DCAF8L2: variants seen among roughly 807,000 people sequenced by gnomAD.
The protein encoded by DCAF8L2 is DDB1- and CUL4-associated factor 8-like protein 2.
For synonymous variants in DCAF8L2, 200 were observed against 190.9 expected, an observed-to-expected ratio of 1.05 and a Z score of -0.39; for missense variants, 430 against 490.7, an observed-to-expected ratio of 0.88 and a Z score of 1.17.
At chrX:27,496,047 G>A in the DCAF8L2 span, among the ~76,000 whole-genome samples, 2 of 110,942 alleles carry the variant, frequency 1.8e-5, no homozygotes, top group Non-Finnish European at 3.8e-5. Context: ...CATGAATCTG[G>A]AATGATACTC....
At chrX:27,637,626 T>TCTTTACTCGGG (rs1462439477) in intron 2 of DCAF8L2, among the ~76,000 whole-genome samples, 1 of 112,322 alleles carries the variant, frequency 8.9e-6, no homozygotes, top group Non-Finnish European at 1.9e-5. Context: ...GATTGGATTA[T>TCTTTACTCGGG]CTTTACTCGG....
At chrX:27,739,094 TA>T (rs1198542618) in intron 4 of DCAF8L2, among the ~76,000 whole-genome samples, 3 of 111,090 alleles carry the variant, frequency 2.7e-5, no homozygotes, top group Non-Finnish European at 5.7e-5. Flanking sequence ...CATCGTGTGA[TA>T]AATCTGATTT....
At position 27,747,317 on chromosome X, in the gene DCAF8L2, AG is replaced by A; in HGVS notation, c.424del (p.Glu142ArgfsTer24). On this transcript the variant is annotated frameshift_variant, in exon 5 of 5. Coordinates refer to ENST00000451261, the MANE Select transcript of DCAF8L2 (RefSeq NM_001353450.2). LOFTEE classifies it low-confidence loss of function (END_TRUNC). ...GAGGAGGAGGAGGAGGAGGAGGAGG[AG>A]GAGGAGGAGGAAGAAGAACAGCCTC... ...EEEEEEEEEE[E>X]EEEEEEQPRA... is the part of the protein sequence containing the mutation. The A allele has an allele frequency of 8.7e-7, 1 of 1,143,893 alleles. No individual in the cohort carries two copies. The highest frequency in any genetic ancestry group is 1.2e-6 in the Non-Finnish European group (1 of 862,282). The allele number at this position is 1,143,893 out of a possible 1,213,427, so 94.3% of individuals were successfully genotyped here.
At chrX:27,581,871 G>A in the DCAF8L2 span, among the ~76,000 whole-genome samples, 6 of 112,171 alleles carry the variant, frequency 5.3e-5, no homozygotes, top group East Asian at 2.8e-4. Flanking sequence ...GGCGTGAGCC[G>A]CTGTGCCTGG....
At chrX:27,516,631 G>A in the DCAF8L2 span, among the ~76,000 whole-genome samples, 1 of 111,378 alleles carries the variant, frequency 9.0e-6, no homozygotes, top group African/African-American at 3.3e-5. Flanking sequence ...TCAATAAAAA[G>A]GCAGTTAAAC....
chrX:27,573,078 T>A, the DCAF8L2 span, among the ~76,000 whole-genome samples: 6 of 110,015 alleles, frequency 5.5e-5, no homozygotes, highest in East Asian at 5.8e-4. Context: ...AAAAAAAAAA[T>A]TTTAGAAATA....
In DCAF8L2 at chrX:27,590,393, G is replaced by T. The variant is rs1926014895; in HGVS notation, c.-389G>T. 4 of 111,479 alleles carry T rather than the reference G, an allele frequency of 3.6e-5. No homozygotes were observed. In the South Asian group the frequency reaches 1.5e-3, roughly 42 times the overall value. The allele number at this position is 111,479 out of a possible 1,213,427, so 9.2% of individuals were successfully genotyped here. On this transcript the variant is annotated 5_prime_UTR_variant, in exon 1 of 5. Coordinates refer to ENST00000451261, the MANE Select transcript of DCAF8L2 (RefSeq NM_001353450.2). Reference sequence around the variant, plus strand: ...CTCCCCACAAGGTTATTTAGAAGACGTCTTGCACTGTTCAAATGCAGAGGA... The same window carrying T: ...CTCCCCACAAGGTTATTTAGAAGACTTCTTGCACTGTTCAAATGCAGAGGA...
chrX:27,480,079 C>G, the DCAF8L2 span, among the ~76,000 whole-genome samples: 1 of 112,604 alleles, frequency 8.9e-6, no homozygotes, highest in Non-Finnish European at 1.9e-5. Flanking sequence ...ACCACATTAA[C>G]TGTGTTTTAG....
intron 2 of DCAF8L2, among the ~76,000 whole-genome samples, chrX:27,647,958 C>G (rs1929004901): frequency 9.0e-6 from 1 of 111,559 alleles, no homozygotes; most frequent in Non-Finnish European, 1.9e-5. Context: ...CCACAAAACT[C>G]ACTTGAAGAC....
At chrX:27,495,749 A>G in the DCAF8L2 span, among the ~76,000 whole-genome samples, 4,473 of 111,346 alleles carry the variant, frequency 0.04, 229 homozygotes, top group African/African-American at 0.14. Context: ...CTATAAGACA[A>G]CTTTTTTAGC....
At chrX:27,560,044 G>A in the DCAF8L2 span, among the ~76,000 whole-genome samples, 1 of 110,590 alleles carries the variant, frequency 9.0e-6, no homozygotes, top group Non-Finnish European at 1.9e-5. Flanking sequence ...TAGGCAGGTG[G>A]ATCACGAGGT....
At chrX:27,706,519 C>T (rs946860999) in intron 3 of DCAF8L2, among the ~76,000 whole-genome samples, 3 of 111,184 alleles carry the variant, frequency 2.7e-5, no homozygotes, top group Non-Finnish European at 5.7e-5. Context: ...AGGCAATAGA[C>T]ACATGAAAAG....
At chrX:27,514,237 A>G in the DCAF8L2 span, among the ~76,000 whole-genome samples, 1 of 82,972 alleles carries the variant, frequency 1.2e-5, no homozygotes, top group Non-Finnish European at 2.7e-5. Context: ...ATGTGTGCAT[A>G]TGTACACATA....
the DCAF8L2 span, among the ~76,000 whole-genome samples, chrX:27,549,759 A>T: frequency 9.0e-6 from 1 of 111,375 alleles, no homozygotes; most frequent in African/African-American, 3.3e-5. Context: ...AAACCGCTCA[A>T]ATTCTCCCTT....
chrX:27,539,055 C>A, the DCAF8L2 span, among the ~76,000 whole-genome samples: 6 of 110,957 alleles, frequency 5.4e-5, no homozygotes, highest in African/African-American at 2.0e-4. Context: ...TGCTTTGTTG[C>A]CCAGGCTAGT....
the DCAF8L2 span, among the ~76,000 whole-genome samples, chrX:27,498,107 T>C: frequency 2.7e-5 from 3 of 112,572 alleles, no homozygotes; most frequent in Non-Finnish European, 5.6e-5. Context: ...CTTCCACCTT[T>C]TGGCTATTGT....
the DCAF8L2 span, chrX:27,519,281 A>T: frequency 8.7e-5 from 87 of 1,003,779 alleles, no homozygotes; most frequent in Non-Finnish European, 1.1e-4. Context: ...CTAGAACTGG[A>T]TCAAGAATGA....
At chrX:27,684,388 G>C (rs1053471209) in intron 3 of DCAF8L2, among the ~76,000 whole-genome samples, 5 of 111,919 alleles carry the variant, frequency 4.5e-5, no homozygotes, top group African/African-American at 1.6e-4. Flanking sequence ...GACTAAAGCA[G>C]AATTTTACAT....
chrX:27,666,214 C>G (rs1411369319), intron 2 of DCAF8L2, among the ~76,000 whole-genome samples: 3 of 111,658 alleles, frequency 2.7e-5, no homozygotes, highest in Non-Finnish European at 5.7e-5. Flanking sequence ...AATAAGAAAC[C>G]AGTCTTTTCT....
Sources: allele counts gnomAD v4.1 joint callset (sites outside exome capture counted in the v4.1 genomes callset), GRCh38; gene constraint gnomAD v4.1.1; transcripts MANE v1.5; gene names NCBI Gene and HGNC (gene_info 2026-07-23, HGNC 2026-07-21).